The following NBEA variants were observed in gnomAD, a reference collection of about 807,000 sequenced individuals.
NBEA encodes the protein lysosomal-trafficking regulator 2.
In NBEA, 44 loss-of-function variants were observed where a neutral mutation model predicts 343.4. The observed-to-expected ratio is 0.13, with a 90% CI of 0.10 to 0.16. NBEA has a LOEUF of 0.16. Among genes scored for constraint, NBEA ranks in the 10% least tolerant of loss-of-function variants. The probability of loss-of-function intolerance (pLI) is 1.00; values close to 1 mark genes in which losing one functional copy is unlikely to be tolerated. For missense variants in NBEA, 2,555 were observed against 3,631.3 expected, an observed-to-expected ratio of 0.70 and a Z score of 7.62; for synonymous variants, 1,175 against 1,238.7, an observed-to-expected ratio of 0.95 and a Z score of 1.08.
At chr13:35,504,564 A>G (rs1039973916) in intron 41 of NBEA, among the ~76,000 whole-genome samples, 6 of 152,186 alleles carry the variant, frequency 3.9e-5, no homozygotes, top group Non-Finnish European at 5.9e-5. Context: ...AAATCTTTTC[A>G]TTTACTTATT....
At chr13:35,475,065 T>G (rs747928120) in intron 41 of NBEA, 1 of 1,611,144 alleles carries the variant, frequency 6.2e-7, no homozygotes, top group Non-Finnish European at 8.5e-7. Flanking sequence ...TCCTCTAAAG[T>G]TTTTCCAAAC....
intron 23 of NBEA, among the ~76,000 whole-genome samples, chr13:35,162,781 G>T (rs2069669818): frequency 6.6e-6 from 1 of 151,898 alleles, no homozygotes; most frequent in Admixed American, 6.6e-5. Context: ...CTAGGGTTAG[G>T]CTAGTCTTTC....
intron 41 of NBEA, among the ~76,000 whole-genome samples, chr13:35,532,276 A>G (rs905198310): frequency 1.3e-4 from 20 of 152,102 alleles, no homozygotes; most frequent in African/African-American, 4.8e-4. Context: ...TCTTTTCCTC[A>G]TCACATGAAA....
At chr13:35,621,543 G>A (rs550984374) in intron 48 of NBEA, among the ~76,000 whole-genome samples, 70 of 152,152 alleles carry the variant, frequency 4.6e-4, no homozygotes, top group Non-Finnish European at 8.2e-4. Context: ...GTTAGTTTTT[G>A]TTGGTCTCCT....
intron 36 of NBEA, among the ~76,000 whole-genome samples, chr13:35,323,593 T>C (rs1408937597): frequency 6.8e-6 from 1 of 147,422 alleles, no homozygotes; most frequent in Non-Finnish European, 1.5e-5. Context: ...AGGGATAGCA[T>C]TGGGAGATAT....
intron 48 of NBEA, among the ~76,000 whole-genome samples, chr13:35,612,360 C>T (rs1281255650): frequency 1.3e-5 from 2 of 152,052 alleles, no homozygotes; most frequent in Non-Finnish European, 2.9e-5. Flanking sequence ...TCTCGATCTC[C>T]TGACCTCATG....
At chr13:35,580,089 A>G (rs1229037366) in intron 45 of NBEA, among the ~76,000 whole-genome samples, 4 of 152,098 alleles carry the variant, frequency 2.6e-5, no homozygotes, top group African/African-American at 4.8e-5. Flanking sequence ...TTAAAAACTG[A>G]ATTATAATAA....
chr13:35,615,052 G>T (rs1340025336), intron 48 of NBEA, among the ~76,000 whole-genome samples: 2 of 150,030 alleles, frequency 1.3e-5, no homozygotes, highest in Non-Finnish European at 3.0e-5. Flanking sequence ...AGAGGCCAAG[G>T]CAGATCGATC....
At chr13:35,009,962 T>G (rs2061429428) in intron 1 of NBEA, among the ~76,000 whole-genome samples, 1 of 152,138 alleles carries the variant, frequency 6.6e-6, no homozygotes, top group Non-Finnish European at 1.5e-5. Flanking sequence ...AGGATGGAAG[T>G]GCCATTGAGT....
intron 38 of NBEA, among the ~76,000 whole-genome samples, chr13:35,355,593 A>AG (rs1489986714): frequency 6.6e-6 from 1 of 152,062 alleles, no homozygotes; most frequent in Non-Finnish European, 1.5e-5. Context: ...GCATTCACTG[A>AG]GGGGGAAAAT....
intron 17 of NBEA, among the ~76,000 whole-genome samples, chr13:35,130,954 C>T (rs1426525184): frequency 6.6e-6 from 1 of 151,866 alleles, no homozygotes; most frequent in Non-Finnish European, 1.5e-5. Flanking sequence ...TGTATATTTA[C>T]ACTTGTGAGA....
At chr13:35,055,561 A>G (rs2063223614) in intron 6 of NBEA, among the ~76,000 whole-genome samples, 1 of 152,088 alleles carries the variant, frequency 6.6e-6, no homozygotes, top group Admixed American at 6.6e-5. Context: ...TTTTCAGTTT[A>G]TACTGTTCTT....
chr13:35,166,894 A>G (rs533957770), intron 24 of NBEA, among the ~76,000 whole-genome samples: 34 of 152,178 alleles, frequency 2.2e-4, no homozygotes, highest in African/African-American at 8.2e-4. Context: ...TTTGGAAGGG[A>G]TAAGTGAAAA....
intron 39 of NBEA, 90 bp from the exon 40 acceptor site, chr13:35,452,002 A>G: frequency 1.1e-6 from 1 of 900,942 alleles, no homozygotes; most frequent in Non-Finnish European, 1.7e-6. Context: ...TGCAGCATAT[A>G]ATTTAATAAA....
intron 1 of NBEA, among the ~76,000 whole-genome samples, chr13:34,947,272 G>C (rs570511880): frequency 6.6e-6 from 1 of 152,002 alleles, no homozygotes; most frequent in African/African-American, 2.4e-5. Flanking sequence ...AATATTCTGT[G>C]GTCAGTCAAC....
At chr13:35,492,913 G>A (rs945419043) in intron 41 of NBEA, among the ~76,000 whole-genome samples, 6 of 151,870 alleles carry the variant, frequency 4.0e-5, no homozygotes, top group African/African-American at 1.4e-4. Flanking sequence ...AGATGAAGGA[G>A]AAAAGTAGAT....
chr13:35,564,267 T>TA (rs1249108924), intron 44 of NBEA, among the ~76,000 whole-genome samples: 1 of 152,040 alleles, frequency 6.6e-6, no homozygotes, highest in East Asian at 1.9e-4. Flanking sequence ...ATCTATCAAT[T>TA]AATTTATTTA....
intron 41 of NBEA, among the ~76,000 whole-genome samples, chr13:35,477,376 A>T (rs930762054): frequency 1.3e-5 from 2 of 152,146 alleles, no homozygotes; most frequent in Non-Finnish European, 1.5e-5. Flanking sequence ...TAGGATATTT[A>T]AAAAATATTT....
At chr13:35,254,047 A>C (rs973708977) in intron 34 of NBEA, among the ~76,000 whole-genome samples, 2 of 152,026 alleles carry the variant, frequency 1.3e-5, no homozygotes, top group Admixed American at 1.3e-4. Context: ...AGTATCATTT[A>C]TTTCCTAAAT....
Sources: gnomAD v4.1 joint callset for allele counts (sites outside exome capture counted in the v4.1 genomes callset) on GRCh38, gnomAD v4.1.1 for gene constraint, MANE v1.5 for transcripts, NCBI Gene and HGNC (gene_info 2026-07-23, HGNC 2026-07-21) for gene names.